DOCK4: variants seen among roughly 807,000 people sequenced by gnomAD.
DOCK4 encodes dedicator of cytokinesis 4.
A neutral mutation model predicts 268.1 loss-of-function variants in DOCK4; 97 were observed. That is an observed-to-expected ratio of 0.36 (90% CI 0.31 to 0.43). The LOEUF (loss-of-function observed/expected upper bound fraction) is 0.43, where lower values mean the gene tolerates loss of function less well. Ranked by LOEUF, DOCK4 falls within the 20% of genes least tolerant of loss-of-function variation. The probability of loss-of-function intolerance (pLI) is 1.00; values close to 1 mark genes in which losing one functional copy is unlikely to be tolerated. For missense variants in DOCK4, 2,145 were observed against 2,455.7 expected (o/e 0.87, Z 2.67); for synonymous variants, 954 against 887.2 (o/e 1.08, Z -1.34).
intron 42 of DOCK4, 84 bp from the exon 43 acceptor site, chr7:111,747,527 A>G (rs369100211): frequency 1.5e-6 from 2 of 1,343,868 alleles, no homozygotes; most frequent in Non-Finnish European, 1.0e-6. Flanking sequence ...GTTCTGAATT[A>G]TCTGTGCTCC....
intron 8 of DOCK4, chr7:111,976,559 A>G (rs1368568093): frequency 6.6e-6 from 1 of 151,934 alleles, no homozygotes; most frequent in Non-Finnish European, 1.5e-5. Flanking sequence ...AACATACACC[A>G]TATATCTTTT....
chr7:111,760,084 G>T (rs762156665), intron 40 of DOCK4, 97 bp downstream of exon 40: 61 of 1,491,162 alleles, frequency 4.1e-5, no homozygotes, highest in Non-Finnish European at 5.6e-5. Flanking sequence ...TGTGGCTATT[G>T]AAAAGGGACT....
chr7:112,097,572 G>A (rs1044533522), intron 1 of DOCK4, among the ~76,000 whole-genome samples: 2 of 152,260 alleles, frequency 1.3e-5, no homozygotes, highest in South Asian at 4.1e-4. Flanking sequence ...AAAAGACTCA[G>A]GTTGTTCCAT....
At chr7:112,110,465 T>C (rs1455362592) in intron 1 of DOCK4, among the ~76,000 whole-genome samples, 1 of 152,208 alleles carries the variant, frequency 6.6e-6, no homozygotes, top group Non-Finnish European at 1.5e-5. Flanking sequence ...TGGGATAGAA[T>C]ACACTTAAAT....
chr7:112,068,448 GTTAT>G (rs1211604560), intron 1 of DOCK4, among the ~76,000 whole-genome samples: 1 of 152,158 alleles, frequency 6.6e-6, no homozygotes, highest in Non-Finnish European at 1.5e-5. Flanking sequence ...ATGTGGACAA[GTTAT>G]TTACCCTCTC....
intron 1 of DOCK4, among the ~76,000 whole-genome samples, chr7:112,048,102 G>T (rs1486369941): frequency 8.6e-5 from 13 of 152,032 alleles, no homozygotes; most frequent in Non-Finnish European, 1.5e-5. Flanking sequence ...GAAAGCATTT[G>T]AATAAATAAT....
intron 26 of DOCK4, among the ~76,000 whole-genome samples, chr7:111,824,819 C>T (rs542510510): frequency 6.6e-6 from 1 of 152,280 alleles, no homozygotes; most frequent in East Asian, 1.9e-4. Context: ...AAGGCTGTGG[C>T]AGCATGTGAC....
intron 21 of DOCK4, among the ~76,000 whole-genome samples, 154 bp from the exon 22 acceptor site, chr7:111,868,308 T>C (rs796721899): frequency 5.3e-5 from 8 of 152,172 alleles, no homozygotes; most frequent in African/African-American, 1.9e-4. Flanking sequence ...CAGTATTTAC[T>C]TTAAGGGGGA....
intron 1 of DOCK4, among the ~76,000 whole-genome samples, chr7:112,201,790 T>G (rs1820958897): frequency 6.6e-6 from 1 of 152,088 alleles, no homozygotes; most frequent in Non-Finnish European, 1.5e-5. Flanking sequence ...TAAAGCATGT[T>G]CCCCCTGTCT....
At chr7:112,093,224 G>T (rs1317677249) in intron 1 of DOCK4, among the ~76,000 whole-genome samples, 1 of 152,122 alleles carries the variant, frequency 6.6e-6, no homozygotes. Context: ...AAATAAACAT[G>T]AAGTGGCTCT....
At chr7:111,841,704 CAGGA>C (rs979040024) in intron 25 of DOCK4, among the ~76,000 whole-genome samples, 22 of 152,288 alleles carry the variant, frequency 1.4e-4, no homozygotes, top group African/African-American at 4.8e-4. Context: ...CAGAGCTATG[CAGGA>C]AGGATTCTCT....
At chr7:111,828,873 TGTG>T (rs1268126866) in intron 26 of DOCK4, among the ~76,000 whole-genome samples, 5 of 123,204 alleles carry the variant, frequency 4.1e-5, no homozygotes, top group Admixed American at 7.7e-5. Context: ...ACACTAAAAA[TGTG>T]TGTGTGTGTG....
At chr7:112,117,398 C>T (rs545487887) in intron 1 of DOCK4, among the ~76,000 whole-genome samples, 1 of 152,232 alleles carries the variant, frequency 6.6e-6, no homozygotes, top group South Asian at 2.1e-4. Flanking sequence ...CGGAGTTTCA[C>T]TCACTCTTGT....
At chr7:112,119,971 C>T (rs1812581538) in intron 1 of DOCK4, among the ~76,000 whole-genome samples, 1 of 151,922 alleles carries the variant, frequency 6.6e-6, no homozygotes, top group African/African-American at 2.4e-5. Context: ...CCTCAGCCTC[C>T]CAAGTAGCTG....
intron 23 of DOCK4, among the ~76,000 whole-genome samples, chr7:111,854,854 G>C (rs1170062040): frequency 6.6e-6 from 1 of 152,204 alleles, no homozygotes; most frequent in Non-Finnish European, 1.5e-5. Flanking sequence ...TTTCCCTTCT[G>C]GGGTGGAGGA....
At chr7:111,731,953 A>G (rs1795118651) in intron 52 of DOCK4, among the ~76,000 whole-genome samples, 1 of 152,176 alleles carries the variant, frequency 6.6e-6, no homozygotes, top group Admixed American at 6.5e-5. Context: ...TTCCTAATTC[A>G]GTATATGCAC....
chr7:111,850,993 T>C (rs1804499505), intron 23 of DOCK4, among the ~76,000 whole-genome samples: 1 of 152,206 alleles, frequency 6.6e-6, no homozygotes, highest in Non-Finnish European at 1.5e-5. Context: ...GGTAATTCAA[T>C]GGAGAAACAA....
intron 27 of DOCK4, 104 bp downstream of exon 27, chr7:111,822,258 C>CAAA: frequency 1.4e-5 from 11 of 800,006 alleles, no homozygotes; most frequent in African/African-American, 7.3e-5. Flanking sequence ...AATTCAGAGG[C>CAAA]AAAAAAAAAA....
chr7:111,774,994 A>G (rs1798355518), intron 36 of DOCK4, among the ~76,000 whole-genome samples: 1 of 152,240 alleles, frequency 6.6e-6, no homozygotes, highest in South Asian at 2.1e-4. Flanking sequence ...TCCTGTTCCA[A>G]AGAATAACTC....
Sources: gnomAD v4.1 joint callset for allele counts (sites outside exome capture counted in the v4.1 genomes callset) on GRCh38, gnomAD v4.1.1 for gene constraint, MANE v1.5 for transcripts, NCBI Gene and HGNC (gene_info 2026-07-23, HGNC 2026-07-21) for gene names.